The following KCNQ1OT1 variants were observed in gnomAD, a reference collection of about 807,000 sequenced individuals.
KCNQ1OT1 encodes KCNQ1 antisense RNA 2 (non-protein coding).
At chr11:2,632,927 C>A in exon 1 of KCNQ1OT1, 2 of 398,374 alleles carry the variant, frequency 5.0e-6, no homozygotes, top group South Asian at 2.6e-4. Flanking sequence ...TCCTTTGAGT[C>A]AATACCCGGT....
At position 2,657,677 on chromosome 11, in the gene KCNQ1OT1, C is replaced by T; in HGVS notation, n.42318G>A. On this transcript the variant is annotated non_coding_transcript_exon_variant, in exon 1 of 1. Coordinates refer to ENST00000597346, the Ensembl canonical transcript of KCNQ1OT1. This position sits in a 1 kb window ranked among gnomAD's most constrained non-coding sequence, Gnocchi z 4.8. ...TTTCCCCAGTTTAACTACTAATGTC[C>T]TTTTTCTGTTCCAAGATCCCATCTA... 1 of 398,572 alleles carries T rather than the reference C, an allele frequency of 2.5e-6. No homozygotes were observed. The allele number at this position is 398,572 out of a possible 1,614,324, so 24.7% of individuals were successfully genotyped here.
chr11:2,626,848 G>A lies in KCNQ1OT1; in HGVS notation n.73147C>T, dbSNP rs1330418559. ...TGGCCTGTAGTAAGTTTTCAAATCA[G>A]AAAGTGTGAGTCCTCCAATGTTGTT... On this transcript the variant is annotated non_coding_transcript_exon_variant, in exon 1 of 1. Transcript: ENST00000597346. The surrounding 1 kb of genome is among the most constrained non-coding windows in gnomAD (Gnocchi z 4.0). The A allele has an allele frequency of 2.5e-6, 1 of 398,470 alleles. No individual in the cohort carries two copies. The highest frequency in any genetic ancestry group is 3.6e-5 in the East Asian group (1 of 28,086). 24.7% of individuals were successfully genotyped at this position (398,470 alleles called of 1,614,324 possible). A position where few individuals can be genotyped will look rare whatever the true frequency, so the allele number is the denominator to read the frequency against.
exon 1 of KCNQ1OT1, chr11:2,640,749 C>G (rs1039285353): frequency 4.0e-5 from 16 of 398,002 alleles, no homozygotes; most frequent in African/African-American, 2.9e-4. Flanking sequence ...TATAGTCAAC[C>G]AACTCTTATC....
At chr11:2,614,391 C>T (rs886341919) in exon 1 of KCNQ1OT1, 3 of 398,500 alleles carry the variant, frequency 7.5e-6, no homozygotes, top group Non-Finnish European at 1.3e-5. Context: ...TCAAAATGTA[C>T]AATTCAGTGT....
At chr11:2,660,559 G>C in exon 1 of KCNQ1OT1, 1 of 398,576 alleles carries the variant, frequency 2.5e-6, no homozygotes. Context: ...AAGCAAAAGT[G>C]AGCAAAGGAC....
chr11:2,660,830 C>T, exon 1 of KCNQ1OT1: 1 of 398,588 alleles, frequency 2.5e-6, no homozygotes, highest in East Asian at 3.6e-5. Flanking sequence ...AGGACACACC[C>T]TCTCACCCTG....
chr11:2,672,843 G>A (rs981394604), exon 1 of KCNQ1OT1: 14 of 398,678 alleles, frequency 3.5e-5, no homozygotes, highest in Non-Finnish European at 5.3e-5. Context: ...GTTCTGCCTG[G>A]GCATTTTCTT....
chr11:2,640,432 T>TGCAC (rs1849555053), exon 1 of KCNQ1OT1: 5 of 398,498 alleles, frequency 1.3e-5, no homozygotes, highest in Non-Finnish European at 2.2e-5. Flanking sequence ...ACTACAGGCA[T>TGCAC]GCACCACCAT....
In KCNQ1OT1 at chr11:2,661,469, C is replaced by A; in HGVS notation, n.38526G>T. On this transcript the variant is annotated non_coding_transcript_exon_variant, in exon 1 of 1. Coordinates refer to ENST00000597346, the Ensembl canonical transcript of KCNQ1OT1. The surrounding 1 kb of genome is among the most constrained non-coding windows in gnomAD (Gnocchi z 5.9). ...GTGTTTTGAGGAAGGAGTTCTGTGG[C>A]TGCCCCCACCTCCCAGGCTTGCCAT... 1 of 437,258 alleles carries A rather than the reference C, an allele frequency of 2.3e-6. No individual in the cohort carries two copies. The highest frequency in any genetic ancestry group is 3.8e-5 in the Admixed American group (1 of 26,126). 27.1% of individuals were successfully genotyped at this position (437,258 alleles called of 1,614,324 possible).
Position 2,617,714 on chromosome 11 carries a change from T to G in KCNQ1OT1, n.82281A>C, listed in dbSNP as rs1849090871. On this transcript the variant is annotated non_coding_transcript_exon_variant, in exon 1 of 1. Coordinates refer to ENST00000597346, the Ensembl canonical transcript of KCNQ1OT1. The surrounding 1 kb of genome is among the most constrained non-coding windows in gnomAD (Gnocchi z 4.6). ...AGAGTTCCCTAACCCTAGCCAACAC[T>G]TAATAGCTATTCTCATGAGTGTGAG... 2.5e-6 allele frequency: 1 copy of G among 398,476 alleles called. No homozygotes were observed. The highest frequency in any genetic ancestry group is 3.6e-5 in the East Asian group (1 of 28,062). The allele number at this position is 398,476 out of a possible 1,614,324, so 24.7% of individuals were successfully genotyped here.
At chr11:2,633,397 T>C (rs759523770) in exon 1 of KCNQ1OT1, 41 of 398,466 alleles carry the variant, frequency 1.0e-4, no homozygotes, top group Admixed American at 2.6e-4. Flanking sequence ...TTGTCTATTT[T>C]TGTTTTTGTT....
exon 1 of KCNQ1OT1, chr11:2,622,905 C>T (rs921365906): frequency 2.5e-6 from 1 of 398,628 alleles, no homozygotes; most frequent in Middle Eastern, 6.3e-4. Flanking sequence ...CCCTAGTTAA[C>T]ATTAGGGCTC....
In KCNQ1OT1 at chr11:2,608,627, T is replaced by A. The variant is rs949061180; in HGVS notation, n.91368A>T. On this transcript the variant is annotated non_coding_transcript_exon_variant, in exon 1 of 1. Transcript: ENST00000597346. The surrounding 1 kb of genome is among the most constrained non-coding windows in gnomAD (Gnocchi z 4.6). ...CAGGTGTGCACCACAACACCAGCTGTTATTCAAAAAATATTTTGTAGAGAT... is the reference window on the plus strand; with the variant it reads ...CAGGTGTGCACCACAACACCAGCTGATATTCAAAAAATATTTTGTAGAGAT... 2.5e-6 allele frequency: 1 copy of A among 398,404 alleles called. No individual in the cohort carries two copies. Among genetic ancestry groups the A allele is most frequent in the Non-Finnish European group, 4.4e-6 (1 of 226,064 alleles). 24.7% of individuals were successfully genotyped at this position (398,404 alleles called of 1,614,324 possible). A position where few individuals can be genotyped will look rare whatever the true frequency, so the allele number is the denominator to read the frequency against.
exon 1 of KCNQ1OT1, chr11:2,675,369 T>C (rs768329604): frequency 5.0e-5 from 20 of 398,438 alleles, no homozygotes; most frequent in Non-Finnish European, 8.4e-5. Context: ...CGTGTGTGCA[T>C]TAGAAAACAT....
At chr11:2,638,689 T>A (rs1295434374) in exon 1 of KCNQ1OT1, 1 of 152,198 alleles carries the variant, frequency 6.6e-6, no homozygotes, top group Non-Finnish European at 1.5e-5. Flanking sequence ...CTTTGTGGCA[T>A]TCTCTGTATT....
exon 1 of KCNQ1OT1, chr11:2,618,430 G>T: frequency 2.5e-6 from 1 of 398,482 alleles, no homozygotes; most frequent in Non-Finnish European, 4.4e-6. Context: ...CACAGAACTG[G>T]GTTTCCTAAC....
rs913322269 is a variant in KCNQ1OT1 at position 2,654,313 on chromosome 11, G to A, written n.45682C>T. The A allele has an allele frequency of 2.5e-6, 1 of 398,638 alleles. No individual in the cohort carries two copies. Among genetic ancestry groups the A allele is most frequent in the South Asian group, 1.3e-4 (1 of 7,858 alleles). The allele number at this position is 398,638 out of a possible 1,614,324, so 24.7% of individuals were successfully genotyped here. On this transcript the variant is annotated non_coding_transcript_exon_variant, in exon 1 of 1. Transcript: ENST00000597346. This position sits in a 1 kb window ranked among gnomAD's most constrained non-coding sequence, Gnocchi z 6.4. The stretch of plus-strand genomic sequence containing the variant: ...ACTGAGAGGGGGAGATTTCTTGAGG[G>A]GGCCAGGGAGGGGGCTTCTACTTGC...
At chr11:2,685,078 T>C in exon 1 of KCNQ1OT1, 2 of 398,642 alleles carry the variant, frequency 5.0e-6, no homozygotes, top group Non-Finnish European at 8.8e-6. Context: ...CTGTGAGAAT[T>C]ACAGATTCCA....
rs1056875637 is a variant in KCNQ1OT1 at position 2,668,768 on chromosome 11, A to G, written n.31227T>C. The G allele has an allele frequency of 5.0e-6, 2 of 398,404 alleles. No homozygotes were observed. Among genetic ancestry groups the G allele is most frequent in the African/African-American group, 4.1e-5 (2 of 48,586 alleles). The allele number at this position is 398,404 out of a possible 1,614,324, so 24.7% of individuals were successfully genotyped here. A position where few individuals can be genotyped will look rare whatever the true frequency, so the allele number is the denominator to read the frequency against. ...TGCAGGCTGCCTTCTTCCTCTCTTG[A>G]TGGTGTCTTTTGATGAACAGAAGGT... On this transcript the variant is annotated non_coding_transcript_exon_variant, in exon 1 of 1. Transcript: ENST00000597346. The surrounding 1 kb of genome is among the most constrained non-coding windows in gnomAD (Gnocchi z 4.3).
Sources: gnomAD v4.1 joint callset for allele counts on GRCh38, gnomAD v4.1.1 for gene constraint, Gnocchi (gnomAD v3.1) non-coding constraint, MANE v1.5 for transcripts, NCBI Gene and HGNC (gene_info 2026-07-23, HGNC 2026-07-21) for gene names.